The following FMNL2 variants were observed in gnomAD, a reference collection of about 807,000 sequenced individuals.
The protein encoded by FMNL2 is formin like 2.
A neutral mutation model predicts 130.2 loss-of-function variants in FMNL2; 51 were observed. The observed-to-expected ratio is 0.39, with a 90% CI of 0.31 to 0.49. FMNL2 has a LOEUF of 0.49. Ranked by LOEUF, FMNL2 falls within the 20% of genes least tolerant of loss-of-function variation. The pLI is 0.85. For synonymous variants in FMNL2, 465 were observed against 467.1 expected (o/e 1.00, Z 0.06); for missense variants, 977 against 1,316.2 (o/e 0.74, Z 3.99).
At chr2:152,643,820 ACTT>A (rs1683307271) in intron 25 of FMNL2, 1 of 985,344 alleles carries the variant, frequency 1.0e-6, no homozygotes. Context: ...TATTAAGAGC[ACTT>A]CTTTGAGAAT....
intron 21 of FMNL2, among the ~76,000 whole-genome samples, chr2:152,635,834 G>A (rs924438037): frequency 1.3e-5 from 2 of 152,186 alleles, no homozygotes; most frequent in Non-Finnish European, 2.9e-5. Flanking sequence ...ACAACCTATG[G>A]TCAACCGACA....
intron 1 of FMNL2, among the ~76,000 whole-genome samples, chr2:152,495,854 G>T (rs1579809606): frequency 1.3e-5 from 2 of 151,984 alleles, no homozygotes; most frequent in South Asian, 4.2e-4. Flanking sequence ...TTCTACGTTA[G>T]TATTTCTTAG....
At chr2:152,403,064 G>C (rs1356601281) in intron 1 of FMNL2, among the ~76,000 whole-genome samples, 1 of 152,120 alleles carries the variant, frequency 6.6e-6, no homozygotes, top group Non-Finnish European at 1.5e-5. Flanking sequence ...AGATTTGTCT[G>C]TTGTTTTTCT....
intron 1 of FMNL2, among the ~76,000 whole-genome samples, chr2:152,422,290 G>A (rs141090219): frequency 1.2e-4 from 18 of 152,254 alleles, no homozygotes; most frequent in South Asian, 4.1e-4. Flanking sequence ...TTTAAGTCAC[G>A]GATGCCCAAT....
intron 1 of FMNL2, among the ~76,000 whole-genome samples, chr2:152,348,000 T>G (rs922194946): frequency 2.2e-4 from 34 of 152,116 alleles, no homozygotes; most frequent in African/African-American, 7.5e-4. Flanking sequence ...CCTTCGTATT[T>G]TTTTCCCCCG....
At chr2:152,344,148 TCTAAAACAAAAA>T (rs1371705391) in intron 1 of FMNL2, among the ~76,000 whole-genome samples, 1 of 152,016 alleles carries the variant, frequency 6.6e-6, no homozygotes, top group African/African-American at 2.4e-5. Context: ...CAAGACTATC[TCTAAAACAAAAA>T]CAAAAACAAA....
intron 1 of FMNL2, among the ~76,000 whole-genome samples, chr2:152,343,356 C>T (rs977741897): frequency 9.9e-5 from 15 of 152,190 alleles, no homozygotes; most frequent in East Asian, 1.9e-4. Context: ...CGTACAGTGG[C>T]GTGATCTCAG....
intron 1 of FMNL2, among the ~76,000 whole-genome samples, chr2:152,396,030 G>A (rs1685376211): frequency 6.6e-6 from 1 of 152,200 alleles, no homozygotes; most frequent in Admixed American, 6.5e-5. Flanking sequence ...TGTCACTATA[G>A]AGAGTGAATG....
At chr2:152,569,118 T>G (rs1696024433) in intron 6 of FMNL2, among the ~76,000 whole-genome samples, 1 of 151,628 alleles carries the variant, frequency 6.6e-6, no homozygotes, top group African/African-American at 2.4e-5. Flanking sequence ...AATCTTTTTT[T>G]TTTTTTTGAC....
Position 152,636,518 on chromosome 2 carries a change from G to A in FMNL2, c.2772G>A (p.Thr924=), listed in dbSNP as rs750971206. Residue 924 remains threonine, a synonymous_variant, in exon 22 of 26, where the codon ACG becomes ACA. Transcript: ENST00000288670. Reference sequence around the variant, plus strand: ...AGTACACCATGCATGACCATAACACGCTGCTGAAGGAGTTCATCCTCAACA... The same window carrying A: ...AGTACACCATGCATGACCATAACACACTGCTGAAGGAGTTCATCCTCAACA... The part of the protein sequence containing the change: ...KREYTMHDHN[T]LLKEFILNNE... 9.4e-6 allele frequency: 15 copies of A among 1,601,754 alleles called. No individual in the cohort carries two copies. The highest frequency in any genetic ancestry group is 2.2e-5 in the South Asian group (2 of 89,004).
intron 1 of FMNL2, among the ~76,000 whole-genome samples, chr2:152,505,446 G>C (rs1692113101): frequency 6.6e-6 from 1 of 152,094 alleles, no homozygotes; most frequent in Admixed American, 6.5e-5. Flanking sequence ...GAACAAAGGA[G>C]AATTTAGAAT....
chr2:152,520,550 G>A (rs374911391), intron 1 of FMNL2, among the ~76,000 whole-genome samples: 18 of 150,590 alleles, frequency 1.2e-4, no homozygotes, highest in Admixed American at 2.7e-4. Context: ...AGCCGAGATC[G>A]TGCTATTGTA....
At chr2:152,550,555 C>T (rs1233126048) in intron 4 of FMNL2, among the ~76,000 whole-genome samples, 1 of 152,154 alleles carries the variant, frequency 6.6e-6, no homozygotes, top group African/African-American at 2.4e-5. Context: ...TGCTTTGGCT[C>T]AAGTTGCTCT....
At chr2:152,430,765 G>C (rs1221870285) in intron 1 of FMNL2, among the ~76,000 whole-genome samples, 1 of 152,044 alleles carries the variant, frequency 6.6e-6, no homozygotes, top group Non-Finnish European at 1.5e-5. Context: ...CCCAGATACT[G>C]GGGAGGCTGA....
rs759058159 is a variant in FMNL2, at chr2:152,617,192, G to A, written c.1314G>A (p.Arg438=). Residue 438 remains arginine, a splice_region_variant and synonymous_variant, in exon 13 of 26, where the codon CGG becomes CGA. Coordinates refer to ENST00000288670, the MANE Select transcript of FMNL2 (RefSeq NM_052905.4). Reference sequence around the variant, plus strand: ...GGAACAAGGAGCTGGATGTCGTTCGGGTAAGTGTAATGATGACAACTGCCC... The same window carrying A: ...GGAACAAGGAGCTGGATGTCGTTCGAGTAAGTGTAATGATGACAACTGCCC... The part of the protein sequence containing the change: ...MQRNKELDVV[R]EIYKDANTQV... 1 of 1,613,854 alleles carries A rather than the reference G, an allele frequency of 6.2e-7. No homozygotes were observed. The highest frequency in any genetic ancestry group is 8.5e-7 in the Non-Finnish European group (1 of 1,179,798).
intron 10 of FMNL2, among the ~76,000 whole-genome samples, chr2:152,609,502 G>A (rs1698567920): frequency 6.6e-6 from 1 of 151,846 alleles, no homozygotes; most frequent in African/African-American, 2.4e-5. Flanking sequence ...CCCTTTTTCT[G>A]TATTTTTTTG....
At chr2:152,513,376 C>G (rs773230290) in intron 1 of FMNL2, among the ~76,000 whole-genome samples, 1 of 152,196 alleles carries the variant, frequency 6.6e-6, no homozygotes, top group Non-Finnish European at 1.5e-5. Context: ...ACTAGAGTCA[C>G]CATGCTGTAC....
At chr2:152,496,320 C>T (rs1691517332) in intron 1 of FMNL2, among the ~76,000 whole-genome samples, 1 of 152,126 alleles carries the variant, frequency 6.6e-6, no homozygotes, top group African/African-American at 2.4e-5. Context: ...TCAGGCTGGG[C>T]ATTTTTGGCA....
chr2:152,506,093 C>T (rs185668748), intron 1 of FMNL2, among the ~76,000 whole-genome samples: 18 of 152,260 alleles, frequency 1.2e-4, no homozygotes, highest in Admixed American at 9.8e-4. Context: ...TAGGGTGCTG[C>T]GTACTATGTG....
Sources: allele counts gnomAD v4.1 joint callset (sites outside exome capture counted in the v4.1 genomes callset), GRCh38; gene constraint gnomAD v4.1.1; transcripts MANE v1.5; gene names NCBI Gene and HGNC (gene_info 2026-07-23, HGNC 2026-07-21).